Variants in BABAM2 observed in about 807,000 individuals in gnomAD.
BABAM2 encodes the protein BRISC and BRCA1-A complex member 2.
Under a neutral mutation model 54.7 loss-of-function variants are expected in BABAM2, and 31 were observed. That is an observed-to-expected ratio of 0.57 (90% CI 0.43 to 0.77). The LOEUF (loss-of-function observed/expected upper bound fraction) is 0.77. BABAM2 is among the 30% of genes least tolerant of loss of function. The pLI is 0.00. For synonymous variants in BABAM2, 167 were observed against 162.9 expected (o/e 1.03, Z -0.19); for missense variants, 364 against 455.8 (o/e 0.80, Z 1.83).
At chr2:27,896,136 G>A (rs1665297581) in intron 2 of BABAM2, 1 of 152,138 alleles carries the variant, frequency 6.6e-6, no homozygotes, top group African/African-American at 2.4e-5. Context: ...CAAGTTTGCA[G>A]GGGCCATGCT....
intron 6 of BABAM2, among the ~76,000 whole-genome samples, chr2:28,071,894 G>GT (rs1413847145): frequency 6.6e-6 from 1 of 152,098 alleles, no homozygotes; most frequent in African/African-American, 2.4e-5. Context: ...GCCTCTTCAG[G>GT]TTAGCTCCTG....
chr2:28,057,086 C>T (rs755234156), intron 6 of BABAM2, among the ~76,000 whole-genome samples: 7 of 152,148 alleles, frequency 4.6e-5, no homozygotes, highest in East Asian at 1.9e-4. Context: ...CCAAATATGT[C>T]GCAGGTTTTT....
At chr2:28,243,873 A>G (rs1387350662) in intron 9 of BABAM2, among the ~76,000 whole-genome samples, 1 of 152,206 alleles carries the variant, frequency 6.6e-6, no homozygotes, top group Non-Finnish European at 1.5e-5. Flanking sequence ...CTGGGCGGGC[A>G]TCAATATCAG....
chr2:28,228,970 T>A (rs1681135793), intron 7 of BABAM2, among the ~76,000 whole-genome samples: 1 of 152,214 alleles, frequency 6.6e-6, no homozygotes, highest in Non-Finnish European at 1.5e-5. Flanking sequence ...ATCTTTCATA[T>A]TTTTTAAATG....
Position 28,304,988 on chromosome 2 carries a change from T to A in BABAM2, c.1088+6497T>A, listed in dbSNP as rs2148260546. Among the ~76,000 whole-genome samples the A allele has an allele frequency of 6.6e-6, 1 of 152,362 alleles. No individual in the cohort carries two copies. Among genetic ancestry groups the A allele is most frequent in the African/African-American group, 2.4e-5 (1 of 41,596 alleles). On this transcript the variant is annotated intron_variant, in intron 11 of 11. Coordinates refer to ENST00000379624, the MANE Select transcript of BABAM2 (RefSeq NM_199191.3). This position sits in a 1 kb window ranked among gnomAD's most constrained non-coding sequence, Gnocchi z 4.0. ...CCAGCACGCCCAGCCTGCAATTTCT[T>A]ACATAAACAGTCACGCCTTATGCTA...
chr2:27,987,020 A>G (rs982970351), intron 3 of BABAM2, among the ~76,000 whole-genome samples: 2 of 152,184 alleles, frequency 1.3e-5, no homozygotes, highest in African/African-American at 4.8e-5. Context: ...AATTTGTCTT[A>G]TGTTTCAAAA....
intron 7 of BABAM2, among the ~76,000 whole-genome samples, chr2:28,193,444 G>A (rs181021427): frequency 6.6e-5 from 10 of 152,198 alleles, no homozygotes; most frequent in South Asian, 2.1e-4. Context: ...ACCTCGGCAA[G>A]TCATGTGTCA....
intron 5 of BABAM2, among the ~76,000 whole-genome samples, chr2:28,043,916 T>A (rs992791349): frequency 1.3e-5 from 2 of 152,220 alleles, no homozygotes; most frequent in Admixed American, 6.5e-5. Context: ...GCTACTCAGC[T>A]CTGAGCATCC....
chr2:28,200,640 A>G (rs907102110), intron 7 of BABAM2, among the ~76,000 whole-genome samples: 2 of 152,238 alleles, frequency 1.3e-5, no homozygotes, highest in Admixed American at 1.3e-4. Flanking sequence ...AGCCAATCAG[A>G]TTCAAGCAAT....
At chr2:28,230,985 A>G (rs749750641) in intron 7 of BABAM2, among the ~76,000 whole-genome samples, 20 of 152,184 alleles carry the variant, frequency 1.3e-4, no homozygotes, top group Non-Finnish European at 2.5e-4. Flanking sequence ...TAAAAATTCT[A>G]CTTCATCTTT....
At chr2:28,314,960 GAAAAGA>G (rs1689388229) in intron 11 of BABAM2, among the ~76,000 whole-genome samples, 1 of 144,378 alleles carries the variant, frequency 6.9e-6, no homozygotes, top group South Asian at 2.3e-4. Flanking sequence ...AGGCAGGAAA[GAAAAGA>G]AAAGAGAAAA....
chr2:28,139,357 A>T (rs1374073818), intron 7 of BABAM2, among the ~76,000 whole-genome samples: 1 of 150,540 alleles, frequency 6.6e-6, no homozygotes, highest in Non-Finnish European at 1.5e-5. Context: ...AAAAAGAAAA[A>T]AAAGAGGTGG....
At chr2:28,317,984 G>GTAGA (rs758963910) in intron 11 of BABAM2, among the ~76,000 whole-genome samples, 1 of 152,200 alleles carries the variant, frequency 6.6e-6, no homozygotes, top group Non-Finnish European at 1.5e-5. Context: ...ATTTTAACCT[G>GTAGA]TAGATTTAAA....
At position 28,022,212 on chromosome 2, in the gene BABAM2, A is replaced by G. The variant is rs188825146; in HGVS notation, c.301-3014A>G. On this transcript the variant is annotated intron_variant, in intron 4 of 11. Transcript: ENST00000379624. ...ACTGGTCCTGTCAGGCAGCCTAGAC[A>G]GGGGAGCCAAAGTAAACAATTCAAA... Among the ~76,000 whole-genome samples, 476 of 151,782 alleles carry G rather than the reference A, an allele frequency of 3.1e-3. 5 individuals carry two copies. Among genetic ancestry groups the G allele is most frequent in the African/African-American group, 0.011 (451 of 41,048 alleles).
At chr2:28,302,857 T>C (rs1190681727) in intron 11 of BABAM2, among the ~76,000 whole-genome samples, 2 of 152,214 alleles carry the variant, frequency 1.3e-5, no homozygotes, top group Admixed American at 6.5e-5. Flanking sequence ...CATGTGCTTA[T>C]TGGTTTATCT....
At chr2:28,023,084 A>G (rs1360387017) in intron 4 of BABAM2, among the ~76,000 whole-genome samples, 1 of 152,142 alleles carries the variant, frequency 6.6e-6, no homozygotes, top group African/African-American at 2.4e-5. Flanking sequence ...GGCTAAGGAG[A>G]TCAATAAAGA....
At chr2:28,078,186 A>G (rs1664854828) in intron 6 of BABAM2, among the ~76,000 whole-genome samples, 1 of 152,090 alleles carries the variant, frequency 6.6e-6, no homozygotes, top group Non-Finnish European at 1.5e-5. Context: ...CTAGCTGTGT[A>G]CACTGCGTGC....
chr2:28,311,832 T>G (rs1276463282), intron 11 of BABAM2, among the ~76,000 whole-genome samples: 1 of 152,232 alleles, frequency 6.6e-6, no homozygotes, highest in Non-Finnish European at 1.5e-5. Context: ...TTGAAAACAT[T>G]ACTAAATGGA....
At chr2:28,139,711 G>A (rs1440479068) in intron 7 of BABAM2, among the ~76,000 whole-genome samples, 1 of 152,190 alleles carries the variant, frequency 6.6e-6, no homozygotes, top group African/African-American at 2.4e-5. Flanking sequence ...TTTTCTACAA[G>A]GATTGACTGG....
Sources: allele counts gnomAD v4.1 joint callset (sites outside exome capture counted in the v4.1 genomes callset), GRCh38; gene constraint gnomAD v4.1.1; non-coding constraint Gnocchi (gnomAD v3.1); transcripts MANE v1.5; gene names NCBI Gene and HGNC (gene_info 2026-07-23, HGNC 2026-07-21).